KAZN: variants seen among roughly 807,000 people sequenced by gnomAD.
KAZN encodes kazrin.
KAZN carries 40 observed loss-of-function variants against 87.4 expected under a neutral mutation model. That is an observed-to-expected ratio of 0.46 (90% CI 0.36 to 0.60). The LOEUF is 0.60. KAZN is among the 20% of genes least tolerant of loss of function. The pLI is 0.00. For synonymous variants in KAZN, 466 were observed against 458.3 expected (o/e 1.02, Z -0.22); for missense variants, 898 against 1,073.9 (o/e 0.84, Z 2.29).
intron 2 of KAZN, among the ~76,000 whole-genome samples, chr1:14,390,331 T>C (rs1433948482): frequency 1.3e-5 from 2 of 152,160 alleles, no homozygotes; most frequent in African/African-American, 2.4e-5. Flanking sequence ...TACAGTATGA[T>C]TTATAATGTA....
chr1:14,212,514 G>A (rs1260214257), intron 2 of KAZN, among the ~76,000 whole-genome samples: 4 of 150,726 alleles, frequency 2.7e-5, no homozygotes, highest in African/African-American at 9.8e-5. Context: ...TGAGATTTTT[G>A]CTTGGATTTG....
At chr1:14,337,914 A>G (rs940567193) in intron 2 of KAZN, among the ~76,000 whole-genome samples, 1 of 145,896 alleles carries the variant, frequency 6.9e-6, no homozygotes, top group African/African-American at 2.6e-5. Context: ...AAAAAAAAAG[A>G]GCCTCCTCTG....
intron 1 of KAZN, among the ~76,000 whole-genome samples, chr1:14,067,381 G>A (rs1643051366): frequency 6.6e-6 from 1 of 152,186 alleles, no homozygotes; most frequent in African/African-American, 2.4e-5. Flanking sequence ...CGCACTGCTG[G>A]AGAGACTAAA....
rs991236062 is a variant in KAZN, at chr1:14,598,894, C to G, written c.-104C>G. 46 of 1,495,608 alleles carry G rather than the reference C, an allele frequency of 3.1e-5. No individual in the cohort carries two copies. Among genetic ancestry groups the G allele is most frequent in the African/African-American group, 5.9e-5 (4 of 68,106 alleles). The allele number at this position is 1,495,608 out of a possible 1,614,324, so 92.6% of individuals were successfully genotyped here. On this transcript the variant is annotated 5_prime_UTR_variant, in exon 1 of 15. Transcript: ENST00000376030. This position sits in a 1 kb window ranked among gnomAD's most constrained non-coding sequence, Gnocchi z 4.2. ...GGTCGGGGCGCGGGCGAAGCCGGGC[C>G]GCGGAGGACACAACAGGTAGAGCCG...
chr1:14,672,462 G>T (rs560876421), intron 1 of KAZN, among the ~76,000 whole-genome samples: 1 of 152,244 alleles, frequency 6.6e-6, no homozygotes, highest in South Asian at 2.1e-4. Context: ...TAACAGTCTG[G>T]CTCTTTCTCG....
intron 1 of KAZN, among the ~76,000 whole-genome samples, chr1:14,811,641 T>C (rs1440537161): frequency 6.6e-6 from 1 of 152,236 alleles, no homozygotes; most frequent in Non-Finnish European, 1.5e-5. Flanking sequence ...GCTATTTTAC[T>C]AAATTCTATC....
intron 2 of KAZN, among the ~76,000 whole-genome samples, chr1:14,564,649 CAA>C (rs111282866): frequency 4.9e-5 from 7 of 142,614 alleles, no homozygotes; most frequent in African/African-American, 1.6e-4. Flanking sequence ...ACTAAAAATA[CAA>C]AAAAAAAAAA....
chr1:14,569,573 C>T (rs1470038869), intron 2 of KAZN, among the ~76,000 whole-genome samples: 1 of 151,624 alleles, frequency 6.6e-6, no homozygotes, highest in Admixed American at 6.6e-5. Context: ...CTGCCCGCCT[C>T]GGCCTCCCAA....
chr1:14,226,054 A>C (rs1215921285), intron 2 of KAZN, among the ~76,000 whole-genome samples: 4 of 152,026 alleles, frequency 2.6e-5, no homozygotes, highest in Non-Finnish European at 4.4e-5. Flanking sequence ...AAAAACAAAA[A>C]AACAAAACAA....
chr1:14,815,838 C>A (rs1322357968), intron 1 of KAZN, among the ~76,000 whole-genome samples: 1 of 152,156 alleles, frequency 6.6e-6, no homozygotes, highest in African/African-American at 2.4e-5. Flanking sequence ...AACAGCCAGT[C>A]ATTTTTGGCA....
intron 2 of KAZN, among the ~76,000 whole-genome samples, chr1:14,274,732 C>T (rs974699692): frequency 2.0e-5 from 3 of 152,240 alleles, no homozygotes; most frequent in South Asian, 2.1e-4. Context: ...GGTCACTCCT[C>T]GTTTTGTTCT....
At chr1:15,103,137 G>C (rs185339415) in intron 11 of KAZN, among the ~76,000 whole-genome samples, 399 of 152,306 alleles carry the variant, frequency 2.6e-3, no homozygotes, top group Middle Eastern at 6.8e-3. Flanking sequence ...TGTGGTGGCA[G>C]GTGCCTGTAA....
intron 2 of KAZN, among the ~76,000 whole-genome samples, chr1:14,377,560 T>G (rs1195261830): frequency 1.3e-5 from 2 of 152,228 alleles, no homozygotes; most frequent in Admixed American, 1.3e-4. Flanking sequence ...GCCAGGTCGC[T>G]GGCAGTAGTT....
At chr1:14,548,129 C>G (rs1253124448) in intron 2 of KAZN, among the ~76,000 whole-genome samples, 1 of 151,706 alleles carries the variant, frequency 6.6e-6, no homozygotes, top group Non-Finnish European at 1.5e-5. Flanking sequence ...TTCAAAGCCA[C>G]CCTGGGCTGC....
chr1:14,477,537 C>A (rs1391564786), intron 2 of KAZN, among the ~76,000 whole-genome samples: 3 of 151,246 alleles, frequency 2.0e-5, no homozygotes, highest in African/African-American at 7.3e-5. Flanking sequence ...TTATGCTCTG[C>A]CTTGCATCGT....
chr1:13,942,533 C>T (rs1640971783), intron 1 of KAZN, among the ~76,000 whole-genome samples: 2 of 105,490 alleles, frequency 1.9e-5, no homozygotes, highest in East Asian at 2.6e-4. Flanking sequence ...GGCGACAGAG[C>T]GAGACTCCGT....
chr1:15,082,481 T>G (rs139512997), intron 8 of KAZN, among the ~76,000 whole-genome samples: 127 of 152,166 alleles, frequency 8.3e-4, no homozygotes, highest in African/African-American at 3.0e-3. Context: ...ACTCAAAATT[T>G]TAAATAGTAA....
chr1:14,405,606 A>ATGTGTGTGTGTGTG (rs111850452), intron 2 of KAZN, among the ~76,000 whole-genome samples: 169 of 136,314 alleles, frequency 1.2e-3, no homozygotes, highest in African/African-American at 3.3e-3. Flanking sequence ...ACCCAATAAA[A>ATGTGTGTGTGTGTG]TGTGTGTGTG....
chr1:14,158,913 A>G (rs1443060513), intron 1 of KAZN, among the ~76,000 whole-genome samples: 3 of 152,158 alleles, frequency 2.0e-5, no homozygotes, highest in Non-Finnish European at 2.9e-5. Flanking sequence ...TTGCATTACC[A>G]GAGAGACATT....
Sources: gnomAD v4.1 joint callset for allele counts (sites outside exome capture counted in the v4.1 genomes callset) on GRCh38, gnomAD v4.1.1 for gene constraint, Gnocchi (gnomAD v3.1) non-coding constraint, MANE v1.5 for transcripts, NCBI Gene and HGNC (gene_info 2026-07-23, HGNC 2026-07-21) for gene names.